RBFOX1: variants seen among roughly 807,000 people sequenced by gnomAD.
RBFOX1 encodes the protein RNA binding fox-1 homolog 1.
RBFOX1 carries 8 observed loss-of-function variants against 57.7 expected under a neutral mutation model. The ratio of observed to expected loss-of-function variants is 0.14; its 90% CI spans 0.08 to 0.25. The LOEUF (loss-of-function observed/expected upper bound fraction) is 0.25. RBFOX1 is among the 10% of genes least tolerant of loss of function. The pLI, the probability that RBFOX1 is intolerant of heterozygous loss-of-function variation, is 1.00. For synonymous variants in RBFOX1, 326 were observed against 222.4 expected, an observed-to-expected ratio of 1.47 and a Z score of -4.15; for missense variants, 611 against 548.5, an observed-to-expected ratio of 1.11 and a Z score of -1.14.
chr16:7,437,144 T>A (rs1400962891), intron 4 of RBFOX1, among the ~76,000 whole-genome samples: 2 of 152,126 alleles, frequency 1.3e-5, no homozygotes, highest in Non-Finnish European at 2.9e-5. Flanking sequence ...TGATTTGCCA[T>A]AGGATCGTTT....
At chr16:5,871,153 G>A (rs952491392) in intron 4 of RBFOX1, among the ~76,000 whole-genome samples, 2 of 152,164 alleles carry the variant, frequency 1.3e-5, no homozygotes, top group Admixed American at 6.5e-5. Context: ...TAATAAGATG[G>A]CACATGAGCT....
At chr16:6,734,379 C>T (rs1255333100) in intron 3 of RBFOX1, among the ~76,000 whole-genome samples, 2 of 152,216 alleles carry the variant, frequency 1.3e-5, no homozygotes, top group South Asian at 2.1e-4. Context: ...TTGATCGTAA[C>T]AGCTCTAATT....
chr16:7,298,012 T>A (rs1278267860), intron 4 of RBFOX1, among the ~76,000 whole-genome samples: 2 of 152,196 alleles, frequency 1.3e-5, no homozygotes, highest in Non-Finnish European at 2.9e-5. Context: ...CGTAGAGTTT[T>A]GCTGTTTGTT....
intron 4 of RBFOX1, among the ~76,000 whole-genome samples, chr16:7,057,091 T>C (rs1402145263): frequency 5.3e-5 from 8 of 151,246 alleles, no homozygotes. Flanking sequence ...TACAGTGTTA[T>C]TCCCAATAAT....
chr16:7,068,706 G>T (rs1173671615), intron 4 of RBFOX1, among the ~76,000 whole-genome samples: 1 of 152,078 alleles, frequency 6.6e-6, no homozygotes, highest in Non-Finnish European at 1.5e-5. Flanking sequence ...TCCTGTCTCA[G>T]CCTCCCAAGT....
intron 2 of RBFOX1, among the ~76,000 whole-genome samples, chr16:6,450,839 G>T (rs201704474): frequency 1.5e-4 from 2 of 13,606 alleles, no homozygotes; most frequent in Non-Finnish European, 2.4e-4. Flanking sequence ...ATATATATGT[G>T]TATATATATA....
chr16:5,996,044 A>G (rs1337485026), intron 4 of RBFOX1, among the ~76,000 whole-genome samples: 1 of 152,104 alleles, frequency 6.6e-6, no homozygotes, highest in African/African-American at 2.4e-5. Context: ...GACCTCTTTT[A>G]TAAGAGTACT....
intron 1 of RBFOX1, among the ~76,000 whole-genome samples, chr16:6,034,988 A>G (rs549662116): frequency 5.1e-4 from 43 of 84,412 alleles, no homozygotes; most frequent in Non-Finnish European, 7.1e-4. Context: ...TTGAGTTACA[A>G]TGAGTTTAAT....
intron 3 of RBFOX1, among the ~76,000 whole-genome samples, chr16:6,861,312 G>T (rs1241746952): frequency 6.6e-6 from 1 of 152,110 alleles, no homozygotes; most frequent in Non-Finnish European, 1.5e-5. Flanking sequence ...CCTTTCGAGT[G>T]CATTGTCTTG....
chr16:5,679,547 C>T (rs1183966578), intron 3 of RBFOX1, among the ~76,000 whole-genome samples: 1 of 152,102 alleles, frequency 6.6e-6, no homozygotes, highest in Non-Finnish European at 1.5e-5. Context: ...CGTTCCCCTC[C>T]CTGTGTCCAT....
chr16:5,711,100 T>C (rs1292265011), intron 3 of RBFOX1, among the ~76,000 whole-genome samples: 1 of 152,212 alleles, frequency 6.6e-6, no homozygotes, highest in East Asian at 1.9e-4. Flanking sequence ...GTAGTAATGA[T>C]TGCATAATTG....
At chr16:7,387,391 G>T (rs1461148304) in intron 4 of RBFOX1, among the ~76,000 whole-genome samples, 2 of 152,162 alleles carry the variant, frequency 1.3e-5, no homozygotes, top group Admixed American at 1.3e-4. Flanking sequence ...TCTAAGTCCA[G>T]AATTGAGGCC....
intron 2 of RBFOX1, among the ~76,000 whole-genome samples, chr16:5,490,430 T>G (rs1347765775): frequency 1.3e-5 from 2 of 152,228 alleles, no homozygotes; most frequent in African/African-American, 4.8e-5. Flanking sequence ...TAGCTGCAAC[T>G]TGACCTTCTG....
intron 3 of RBFOX1, among the ~76,000 whole-genome samples, chr16:6,794,339 A>G (rs994948008): frequency 1.4e-5 from 2 of 144,992 alleles, no homozygotes; most frequent in African/African-American, 2.6e-5. Flanking sequence ...TACAAACATG[A>G]GGCATTCTCA....
chr16:7,493,350 G>C (rs1279240281), intron 4 of RBFOX1, among the ~76,000 whole-genome samples: 1 of 152,120 alleles, frequency 6.6e-6, no homozygotes, highest in East Asian at 1.9e-4. Flanking sequence ...AAGTTTTATT[G>C]GACAGTCTTC....
In RBFOX1 at chr16:6,466,468, G is replaced by C. The variant is rs570037783; in HGVS notation, c.-64+149411G>C. Among the ~76,000 whole-genome samples the C allele has an allele frequency of 7.0e-4, 106 of 152,216 alleles. 1 individual carries two copies. Among genetic ancestry groups the C allele is most frequent in the African/African-American group, 2.5e-3 (102 of 41,558 alleles). Reference sequence around the variant, plus strand: ...GAGGTGAGGAAACAGATGTTCAGGAGGATTTAAATAACTTGCCACGTTTCT... The same window carrying C: ...GAGGTGAGGAAACAGATGTTCAGGACGATTTAAATAACTTGCCACGTTTCT... On this transcript the variant is annotated intron_variant, in intron 2 of 15. Coordinates refer to ENST00000550418, the MANE Select transcript of RBFOX1 (RefSeq NM_018723.4).
At chr16:6,196,945 C>T (rs2152821653) in intron 1 of RBFOX1, among the ~76,000 whole-genome samples, 1 of 152,226 alleles carries the variant, frequency 6.6e-6, no homozygotes, top group South Asian at 2.1e-4. Flanking sequence ...CATTCAGTGA[C>T]ATTCTTAAAG....
intron 4 of RBFOX1, among the ~76,000 whole-genome samples, chr16:5,944,324 C>T (rs181934244): frequency 6.3e-4 from 96 of 152,296 alleles, no homozygotes; most frequent in Non-Finnish European, 9.6e-4. Flanking sequence ...AGGTTCTGAA[C>T]GAGCTTAGAG....
intron 3 of RBFOX1, chr16:5,616,018 G>A (rs772545256): frequency 2.6e-5 from 4 of 152,354 alleles, no homozygotes; most frequent in Admixed American, 6.5e-5. Flanking sequence ...TTGTGGTCAA[G>A]ATCAGATCTG....
Sources: gnomAD v4.1 joint callset for allele counts (sites outside exome capture counted in the v4.1 genomes callset) on GRCh38, gnomAD v4.1.1 for gene constraint, MANE v1.5 for transcripts, NCBI Gene and HGNC (gene_info 2026-07-23, HGNC 2026-07-21) for gene names.